Variants in SRPK2 observed in about 807,000 individuals in gnomAD.
The protein encoded by SRPK2 is SFRS protein kinase 2.
Under a neutral mutation model 90.8 loss-of-function variants are expected in SRPK2, and 21 were observed. The ratio of observed to expected loss-of-function variants is 0.23; its 90% CI spans 0.16 to 0.33. SRPK2 has a LOEUF of 0.33. SRPK2 is among the 10% of genes least tolerant of loss of function. The pLI is 1.00. For missense variants in SRPK2, 620 were observed against 869.0 expected, an observed-to-expected ratio of 0.71 and a Z score of 3.60; for synonymous variants, 288 against 311.1, an observed-to-expected ratio of 0.93 and a Z score of 0.78.
intron 6 of SRPK2, among the ~76,000 whole-genome samples, chr7:105,163,815 G>GA (rs1241820226): frequency 2.0e-5 from 3 of 150,482 alleles, no homozygotes; most frequent in African/African-American, 7.3e-5. Context: ...CCATCTCAAA[G>GA]AAAAAAAAAG....
intron 2 of SRPK2, among the ~76,000 whole-genome samples, chr7:105,216,669 A>AGAG (rs1335183517): frequency 2.0e-5 from 3 of 149,228 alleles, no homozygotes; most frequent in African/African-American, 7.5e-5. Context: ...AAAAAAAAAA[A>AGAG]AGAGAGAGAG....
intron 2 of SRPK2, among the ~76,000 whole-genome samples, chr7:105,350,794 T>A (rs34789097): frequency 0.18 from 27,555 of 152,060 alleles, 3,171 homozygotes; most frequent in East Asian, 0.58. Flanking sequence ...TTGCTATAAT[T>A]AATCCCATTT....
At chr7:105,358,299 T>C (rs762373704) in intron 2 of SRPK2, among the ~76,000 whole-genome samples, 1 of 146,952 alleles carries the variant, frequency 6.8e-6, no homozygotes. Context: ...ATCAATAACA[T>C]AAACAGTAGA....
chr7:105,388,021 A>G (rs1278076781), intron 2 of SRPK2, among the ~76,000 whole-genome samples: 2 of 152,108 alleles, frequency 1.3e-5, no homozygotes, highest in Non-Finnish European at 2.9e-5. Context: ...ACCCGAGCGG[A>G]AAGTTTCGAA....
chr7:105,211,558 T>A (rs1336254850), intron 2 of SRPK2, among the ~76,000 whole-genome samples: 1 of 151,178 alleles, frequency 6.6e-6, no homozygotes, highest in Non-Finnish European at 1.5e-5. Context: ...GTAACAGGAG[T>A]GAGAGTGAGG....
At chr7:105,374,156 A>G (rs1370783949) in intron 2 of SRPK2, among the ~76,000 whole-genome samples, 1 of 151,428 alleles carries the variant, frequency 6.6e-6, no homozygotes, top group Non-Finnish European at 1.5e-5. Context: ...CAAACTCCTC[A>G]CCTCAAGTGA....
Position 105,246,749 on chromosome 7 carries a change from C to T in SRPK2, c.72-42964G>A, listed in dbSNP as rs573676057. On this transcript the variant is annotated intron_variant, in intron 2 of 15. Coordinates refer to ENST00000393651, the MANE Select transcript of SRPK2 (RefSeq NM_182692.3). ...ATATATTTTTTTTCAGTGCCAAATA[C>T]TGAAGTATTGGAGTACTGAAGACAA... 3.3e-5 allele frequency among the ~76,000 whole-genome samples: 5 copies of T among 152,260 alleles called. 1 individual carries two copies. The highest frequency in any genetic ancestry group is 1.2e-4 in the African/African-American group (5 of 41,550).
intron 2 of SRPK2, among the ~76,000 whole-genome samples, chr7:105,322,901 A>G (rs1245940456): frequency 6.6e-6 from 1 of 152,210 alleles, no homozygotes. Context: ...GACAAAACAC[A>G]GGATCAAAAA....
chr7:105,137,237 A>T (rs1159462574), intron 11 of SRPK2, among the ~76,000 whole-genome samples: 2 of 152,194 alleles, frequency 1.3e-5, no homozygotes, highest in Non-Finnish European at 2.9e-5. Context: ...TGAATTAGGG[A>T]AACAGAGAAT....
At chr7:105,351,499 A>G in intron 2 of SRPK2, among the ~76,000 whole-genome samples, 1 of 102,786 alleles carries the variant, frequency 9.7e-6, no homozygotes, top group Non-Finnish European at 1.9e-5. Context: ...CTCAAAAATA[A>G]TAATAATAAT....
At chr7:105,259,148 A>G (rs1387035929) in intron 2 of SRPK2, among the ~76,000 whole-genome samples, 3 of 152,250 alleles carry the variant, frequency 2.0e-5, no homozygotes, top group Non-Finnish European at 4.4e-5. Flanking sequence ...CTATCATCTC[A>G]GCCCAAAATC....
chr7:105,211,305 G>T (rs974445590), intron 2 of SRPK2, among the ~76,000 whole-genome samples: 1 of 151,978 alleles, frequency 6.6e-6, no homozygotes, highest in African/African-American at 2.4e-5. Context: ...TCCAGAATGG[G>T]AAACAGTTCT....
chr7:105,282,370 G>A (rs1807459018), intron 2 of SRPK2, among the ~76,000 whole-genome samples: 1 of 152,162 alleles, frequency 6.6e-6, no homozygotes, highest in African/African-American at 2.4e-5. Flanking sequence ...TAAACTCTTA[G>A]AAGAAGACAT....
chr7:105,135,776 T>A (rs1802711937), intron 11 of SRPK2, among the ~76,000 whole-genome samples: 2 of 151,862 alleles, frequency 1.3e-5, no homozygotes, highest in Non-Finnish European at 1.5e-5. Flanking sequence ...TTTTTTTTTT[T>A]TTTTTTGAGA....
chr7:105,328,626 A>G (rs1445808388), intron 2 of SRPK2, among the ~76,000 whole-genome samples: 1 of 148,432 alleles, frequency 6.7e-6, no homozygotes, highest in Non-Finnish European at 1.5e-5. Context: ...GCACTTTGGG[A>G]GGCCGAGACG....
At chr7:105,119,204 A>G (rs1020342238) in intron 15 of SRPK2, among the ~76,000 whole-genome samples, 2 of 151,944 alleles carry the variant, frequency 1.3e-5, no homozygotes, top group African/African-American at 4.8e-5. Context: ...GCTTTAATTT[A>G]AACAAGGTAC....
At chr7:105,393,109 T>A (rs1012703867), upstream of SRPK2, among the ~76,000 whole-genome samples, 1 of 152,176 alleles carries the variant, frequency 6.6e-6, no homozygotes, top group African/African-American at 2.4e-5. Context: ...TTCTCCTGCC[T>A]CAGCCTCCCA....
chr7:105,215,136 T>G (rs184338360), intron 2 of SRPK2, among the ~76,000 whole-genome samples: 27 of 152,310 alleles, frequency 1.8e-4, no homozygotes, highest in Admixed American at 1.6e-3. Context: ...AATATTCACA[T>G]GTGAAAGAAT....
rs1554435876 is a variant in SRPK2 at position 105,170,934 on chromosome 7, G to GGAAAGAAAGAAAGAAAGAAA, written c.230-1689_230-1670dup. On this transcript the variant is annotated intron_variant, in intron 3 of 15. Transcript: ENST00000393651. Reference sequence around the variant, plus strand: ...AAGAAAGGAGAAAGAAAAAGAAAAAGGAAAGAAAGAAAGAAAGAAAGAAAG... The same window carrying GGAAAGAAAGAAAGAAAGAAA: ...AAGAAAGGAGAAAGAAAAAGAAAAAGGAAAGAAAGAAAGAAAGAAAGAAAGAAAGAAAGAAAGAAAGAAAG... 4.1e-3 allele frequency among the ~76,000 whole-genome samples: 119 copies of GGAAAGAAAGAAAGAAAGAAA among 29,124 alleles called. 7 individuals are homozygous for GGAAAGAAAGAAAGAAAGAAA. The highest frequency in any genetic ancestry group is 0.023 in the South Asian group (17 of 738). The allele number at this position is 29,124 out of a possible 152,430, so 19.1% of individuals were successfully genotyped here.
Sources: allele counts gnomAD v4.1 joint callset (sites outside exome capture counted in the v4.1 genomes callset), GRCh38; gene constraint gnomAD v4.1.1; transcripts MANE v1.5; gene names NCBI Gene and HGNC (gene_info 2026-07-23, HGNC 2026-07-21).